The following MAPK6 variants were observed in gnomAD, a reference collection of about 807,000 sequenced individuals.
The protein encoded by MAPK6 is ERK-3.
MAPK6 carries 19 observed loss-of-function variants against 59.3 expected under a neutral mutation model. That is an observed-to-expected ratio of 0.32 (90% confidence interval 0.22 to 0.47). MAPK6 has a LOEUF of 0.47. MAPK6 is among the 20% of genes least tolerant of loss of function. MAPK6 has a pLI of 1.00. For synonymous variants in MAPK6, 316 were observed against 290.3 expected (o/e 1.09, Z -0.90); for missense variants, 724 against 847.9 (o/e 0.85, Z 1.81).
chr15:52,061,712 C>T (rs906760147), intron 5 of MAPK6, among the ~76,000 whole-genome samples: 5 of 151,872 alleles, frequency 3.3e-5, no homozygotes, highest in Non-Finnish European at 4.4e-5. Context: ...CCCAAGTGGC[C>T]GAGGCTGCCG....
At chr15:52,055,310 G>A (rs1303362150) in intron 3 of MAPK6, among the ~76,000 whole-genome samples, 1 of 152,188 alleles carries the variant, frequency 6.6e-6, no homozygotes, top group African/African-American at 2.4e-5. Flanking sequence ...AAGGGGCTCA[G>A]GTGGGAGGAT....
At chr15:52,037,160 C>T (rs1222951533) in intron 1 of MAPK6, among the ~76,000 whole-genome samples, 1 of 152,014 alleles carries the variant, frequency 6.6e-6, no homozygotes, top group East Asian at 1.9e-4. Flanking sequence ...AAAAGTTGAA[C>T]GTGGTGTGTG....
At chr15:52,024,108 T>G (rs2030657240) in intron 1 of MAPK6, among the ~76,000 whole-genome samples, 1 of 152,234 alleles carries the variant, frequency 6.6e-6, no homozygotes, top group African/African-American at 2.4e-5. Context: ...CTCAGAAAAG[T>G]CTGCCTCTGC....
At chr15:52,016,052 T>TCGTG (rs1555396564), upstream of MAPK6, among the ~76,000 whole-genome samples, 17 of 68,714 alleles carry the variant, frequency 2.5e-4, no homozygotes, top group Non-Finnish European at 3.6e-4. Flanking sequence ...CCAAACTCCA[T>TCGTG]CGCGCGCGCG....
intron 2 of MAPK6, among the ~76,000 whole-genome samples, chr15:51,987,024 A>G (rs1300182658): frequency 6.6e-6 from 1 of 152,212 alleles, no homozygotes; most frequent in African/African-American, 2.4e-5. Flanking sequence ...AAGTATTTAC[A>G]GCATGATTCC....
At chr15:51,991,104 G>A (rs2057206708) in intron 2 of MAPK6, among the ~76,000 whole-genome samples, 1 of 149,814 alleles carries the variant, frequency 6.7e-6, no homozygotes, top group Non-Finnish European at 1.5e-5. Context: ...CTCCAGCCTG[G>A]GCAACAAGAG....
At chr15:51,993,100 C>T (rs1315776069) in intron 2 of MAPK6, among the ~76,000 whole-genome samples, 3 of 152,140 alleles carry the variant, frequency 2.0e-5, no homozygotes, top group Non-Finnish European at 2.9e-5. Context: ...GTTGGTTCCC[C>T]TGGCAACCAG....
At chr15:52,058,881 T>C (rs1488891033) in intron 4 of MAPK6, 84 bp downstream of exon 4, 1 of 1,170,862 alleles carries the variant, frequency 8.5e-7, no homozygotes, top group African/African-American at 1.6e-5. Context: ...TTTTTATCCT[T>C]AGATATGGGG....
At chr15:52,020,380 G>C (rs1314221113) in intron 1 of MAPK6, among the ~76,000 whole-genome samples, 4 of 152,008 alleles carry the variant, frequency 2.6e-5, no homozygotes, top group African/African-American at 4.8e-5. Context: ...AAAGGGACTG[G>C]TGAGTTGGAA....
intron 3 of MAPK6, among the ~76,000 whole-genome samples, chr15:52,009,705 A>G (rs2030000313): frequency 1.3e-5 from 2 of 152,182 alleles, no homozygotes; most frequent in South Asian, 4.1e-4. Flanking sequence ...AAGTAAATGT[A>G]TAGTTTTTGT....
intron 2 of MAPK6, among the ~76,000 whole-genome samples, chr15:52,001,951 AC>A (rs1478895472): frequency 6.6e-6 from 1 of 152,058 alleles, no homozygotes; most frequent in Non-Finnish European, 1.5e-5. Context: ...CCCAACCAGA[AC>A]CCTGACCTAA....
intron 1 of MAPK6, among the ~76,000 whole-genome samples, chr15:52,026,776 G>T (rs1022044142): frequency 8.5e-5 from 13 of 152,140 alleles, no homozygotes; most frequent in African/African-American, 3.1e-4. Context: ...TCATGGCTGG[G>T]CGCGATGGCT....
chr15:51,976,597 TTG>T (rs2057158192), intron 1 of MAPK6, among the ~76,000 whole-genome samples: 1 of 151,802 alleles, frequency 6.6e-6, no homozygotes, highest in Non-Finnish European at 1.5e-5. Flanking sequence ...AATTAAAATG[TTG>T]TCAGATTTCT....
chr15:52,061,564 GT>G (rs1271076450), intron 5 of MAPK6, 64 bp downstream of exon 5: 4 of 1,232,054 alleles, frequency 3.2e-6, no homozygotes, highest in Non-Finnish European at 4.6e-6. Flanking sequence ...TATGTAGTGA[GT>G]TTTTTTAAAA....
At chr15:51,983,803 A>G (rs2057182077) in intron 2 of MAPK6, among the ~76,000 whole-genome samples, 1 of 152,138 alleles carries the variant, frequency 6.6e-6, no homozygotes, top group African/African-American at 2.4e-5. Context: ...CAAGATTTTA[A>G]TAATAATTAT....
intron 1 of MAPK6, among the ~76,000 whole-genome samples, chr15:52,025,228 G>A (rs976261413): frequency 2.0e-5 from 3 of 152,120 alleles, no homozygotes; most frequent in African/African-American, 7.2e-5. Context: ...GCAACAGCAA[G>A]AGACCCTGTC....
At chr15:52,013,973 G>A (rs1006554027) in intron 3 of MAPK6, among the ~76,000 whole-genome samples, 1 of 152,002 alleles carries the variant, frequency 6.6e-6, no homozygotes, top group African/African-American at 2.4e-5. Context: ...TCAATCTGGT[G>A]CTAACTTGTC....
In MAPK6 at chr15:52,000,720, C is replaced by G. The variant is rs552590722; in HGVS notation, c.-769-3545C>G. Among the ~76,000 whole-genome samples, 3 of 151,930 alleles carry G rather than the reference C, an allele frequency of 2.0e-5. No individual in the cohort carries two copies. In the South Asian group the frequency reaches 6.3e-4, roughly 32 times the overall value. On this transcript the variant is annotated intron_variant, in intron 2 of 7. Coordinates refer to the MAPK6 transcript ENST00000691380. ...ACTGGGGAGGCTGAGGAAGGGGAAT[C>G]TCCCAGAAGGCGGAGGTTGCAGTGA...
intron 2 of MAPK6, among the ~76,000 whole-genome samples, chr15:51,985,370 C>A (rs906785218): frequency 1.3e-5 from 2 of 151,576 alleles, no homozygotes; most frequent in Non-Finnish European, 2.9e-5. Context: ...TATTGTATAT[C>A]ATGGTCAGGC....
Sources: gnomAD v4.1 joint callset for allele counts (sites outside exome capture counted in the v4.1 genomes callset) on GRCh38, gnomAD v4.1.1 for gene constraint, MANE v1.5 for transcripts, NCBI Gene and HGNC (gene_info 2026-07-23, HGNC 2026-07-21) for gene names.